The following NXPH1 variants were observed in gnomAD, a reference collection of about 807,000 sequenced individuals.
NXPH1 encodes neurexophilin 1.
In NXPH1, 5 loss-of-function variants were observed where a neutral mutation model predicts 23.7. The observed-to-expected ratio is 0.21, with a 90% CI of 0.11 to 0.44. The LOEUF is 0.44. Ranked by LOEUF, NXPH1 falls within the 20% of genes least tolerant of loss-of-function variation. The pLI is 0.99. For missense variants in NXPH1, 324 were observed against 321.6 expected, an observed-to-expected ratio of 1.01 and a Z score of -0.06; for synonymous variants, 144 against 122.2, an observed-to-expected ratio of 1.18 and a Z score of -1.18.
intron 2 of NXPH1, among the ~76,000 whole-genome samples, chr7:8,643,860 C>G (rs1820355189): frequency 6.6e-6 from 1 of 152,038 alleles, no homozygotes; most frequent in South Asian, 2.1e-4. Flanking sequence ...AAATTTAAAA[C>G]TATGTGGATT....
At chr7:8,634,120 T>C (rs915900855) in intron 2 of NXPH1, among the ~76,000 whole-genome samples, 1 of 152,190 alleles carries the variant, frequency 6.6e-6, no homozygotes, top group Admixed American at 6.6e-5. Context: ...GTCGTTTAGC[T>C]GTGTCCCCAC....
intron 2 of NXPH1, among the ~76,000 whole-genome samples, chr7:8,549,651 A>G (rs1818249254): frequency 6.6e-6 from 1 of 151,542 alleles, no homozygotes; most frequent in Admixed American, 6.6e-5. Flanking sequence ...ATAACTTTGA[A>G]AAAAGAGAGA....
chr7:8,494,379 ATCTTTT>A (rs1584192438), intron 2 of NXPH1, among the ~76,000 whole-genome samples: 1 of 151,912 alleles, frequency 6.6e-6, no homozygotes, highest in East Asian at 1.9e-4. Flanking sequence ...GATAGGTAGT[ATCTTTT>A]TCTTTTTTAC....
chr7:8,569,110 A>G (rs1377079330), intron 2 of NXPH1, among the ~76,000 whole-genome samples: 3 of 151,874 alleles, frequency 2.0e-5, no homozygotes, highest in African/African-American at 7.2e-5. Context: ...TCAATCTACT[A>G]ATTTGGGATT....
chr7:8,701,451 CA>C (rs1236958770), intron 2 of NXPH1, among the ~76,000 whole-genome samples: 5 of 152,050 alleles, frequency 3.3e-5, no homozygotes, highest in Non-Finnish European at 7.4e-5. Context: ...TCCTACAAGA[CA>C]GTACTTCTTA....
chr7:8,512,809 G>A lies in NXPH1; in HGVS notation c.54+77042G>A, dbSNP rs188521770. 2.1e-3 allele frequency among the ~76,000 whole-genome samples: 316 copies of A among 152,200 alleles called. 2 individuals carry two copies. The highest frequency in any genetic ancestry group is 3.3e-3 in the Non-Finnish European group (227 of 67,982). ...GCTTATGCATGTGTAGAAAAGGAGC[G>A]TTTCCATGTTGAACAGAATTGCATG... On this transcript the variant is annotated intron_variant, in intron 2 of 2. Transcript: ENST00000405863.
At chr7:8,565,778 TGAGA>T (rs1584236191) in intron 2 of NXPH1, among the ~76,000 whole-genome samples, 2 of 151,990 alleles carry the variant, frequency 1.3e-5, no homozygotes, top group Admixed American at 1.3e-4. Flanking sequence ...TTACTTTTAA[TGAGA>T]GTTTTGTGAA....
chr7:8,664,418 T>C lies in NXPH1; in HGVS notation c.55-86590T>C, dbSNP rs558497576. Among the ~76,000 whole-genome samples the C allele has an allele frequency of 7.2e-5, 11 of 152,188 alleles. 1 individual carries two copies. Among genetic ancestry groups the C allele is most frequent in the Admixed American group, 3.3e-4 (5 of 15,276 alleles). ...GTTGGTAATCTTCTCCCACTGCCCT[T>C]CTGAAATTGCTTCTGCTTTGCCTTG... is the stretch of plus-strand genomic sequence containing the variant. On this transcript the variant is annotated intron_variant, in intron 2 of 2. Coordinates refer to ENST00000405863, the MANE Select transcript of NXPH1 (RefSeq NM_152745.3).
chr7:8,547,091 C>T (rs1818207509), intron 2 of NXPH1, among the ~76,000 whole-genome samples: 1 of 151,276 alleles, frequency 6.6e-6, no homozygotes, highest in South Asian at 2.1e-4. Flanking sequence ...AACTGTAAAC[C>T]ATATAAATAT....
At chr7:8,606,023 TTC>T (rs1455186395) in intron 2 of NXPH1, among the ~76,000 whole-genome samples, 1 of 152,146 alleles carries the variant, frequency 6.6e-6, no homozygotes, top group African/African-American at 2.4e-5. Flanking sequence ...TTCATAATTC[TTC>T]CTGTGTCTAA....
At chr7:8,460,859 AG>A (rs1277867802) in intron 2 of NXPH1, among the ~76,000 whole-genome samples, 7 of 152,346 alleles carry the variant, frequency 4.6e-5, no homozygotes, top group South Asian at 2.1e-4. Flanking sequence ...GGAAGATTGG[AG>A]TGATCATCTC....
rs59235477 is a variant in NXPH1, at chr7:8,648,990, CTTT to C, written c.55-102009_55-102007del. On this transcript the variant is annotated intron_variant, in intron 2 of 2. Coordinates refer to ENST00000405863, the MANE Select transcript of NXPH1 (RefSeq NM_152745.3). ...TAATCATTTTTGCCTTAAAAATCTG[CTTT>C]TTTTTTTTAAGATTGCTATTTTACT... 3.3e-5 allele frequency among the ~76,000 whole-genome samples: 5 copies of C among 149,428 alleles called. No individual in the cohort carries two copies. In the East Asian group the frequency reaches 5.8e-4, roughly 17 times the overall value.
chr7:8,492,875 T>C (rs1817273249), intron 2 of NXPH1, among the ~76,000 whole-genome samples: 1 of 151,990 alleles, frequency 6.6e-6, no homozygotes. Flanking sequence ...GGAAACTCTA[T>C]TTATTGATTA....
Position 8,593,594 on chromosome 7 carries a change from C to G in NXPH1, c.55-157414C>G, listed in dbSNP as rs114988671. 7.7e-3 allele frequency among the ~76,000 whole-genome samples: 1,166 copies of G among 152,044 alleles called. 18 individuals carry two copies. The highest frequency in any genetic ancestry group is 0.027 in the African/African-American group (1,100 of 41,504). On this transcript the variant is annotated intron_variant, in intron 2 of 2. Transcript: ENST00000405863. ...AATTAAAGGTGAATGTAAGAGCTTT[C>G]AAAATCTAAATAAAATGAGTAAATA...
At chr7:8,666,491 G>T (rs112507868) in intron 2 of NXPH1, among the ~76,000 whole-genome samples, 3,744 of 152,082 alleles carry the variant, frequency 0.025, 92 homozygotes, top group African/African-American at 0.06. Flanking sequence ...GACCTGTAAT[G>T]ATCTTTTCTT....
chr7:8,730,395 G>T (rs1423210611), intron 2 of NXPH1, among the ~76,000 whole-genome samples: 1 of 150,030 alleles, frequency 6.7e-6, no homozygotes, highest in African/African-American at 2.5e-5. Context: ...GATGTTAGCT[G>T]GTTATTTTGC....
intron 2 of NXPH1, among the ~76,000 whole-genome samples, chr7:8,748,625 A>G (rs994696946): frequency 6.6e-6 from 1 of 152,182 alleles, no homozygotes. Flanking sequence ...GGCCCTCTGC[A>G]TCTTTCCATG....
At chr7:8,457,071 A>G (rs1816608784) in intron 2 of NXPH1, among the ~76,000 whole-genome samples, 2 of 152,182 alleles carry the variant, frequency 1.3e-5, no homozygotes, top group Admixed American at 6.5e-5. Context: ...GAGGGTTTTT[A>G]AAAACATTGT....
chr7:8,751,778 A>C lies in NXPH1; in HGVS notation c.*9A>C. On this transcript the variant is annotated 3_prime_UTR_variant, in exon 3 of 3. Coordinates refer to ENST00000405863, the MANE Select transcript of NXPH1 (RefSeq NM_152745.3). This position sits in a 1 kb window ranked among gnomAD's most constrained non-coding sequence, Gnocchi z 4.5. Reference sequence around the variant, plus strand: ...ACTTTCCCTCGGGATGAAGGTGAACATGGGGGTGAGACTGAAGCCTGAGGA... The same window carrying C: ...ACTTTCCCTCGGGATGAAGGTGAACCTGGGGGTGAGACTGAAGCCTGAGGA... 1 of 1,601,682 alleles carries C rather than the reference A, an allele frequency of 6.2e-7. No individual in the cohort carries two copies.
Sources: gnomAD v4.1 joint callset for allele counts (sites outside exome capture counted in the v4.1 genomes callset) on GRCh38, gnomAD v4.1.1 for gene constraint, Gnocchi (gnomAD v3.1) non-coding constraint, MANE v1.5 for transcripts, NCBI Gene and HGNC (gene_info 2026-07-23, HGNC 2026-07-21) for gene names.